The following RPL31 variants were observed in gnomAD, a reference collection of about 807,000 sequenced individuals.
RPL31 encodes large ribosomal subunit protein eL31.
For synonymous variants in RPL31, 51 were observed against 55.0 expected (o/e 0.93, Z 0.32); for missense variants, 95 against 164.0 (o/e 0.58, Z 2.30).
At chr2:101,002,595 T>G in intron 1 of RPL31, 107 bp from the exon 2 acceptor site, 1 of 938,070 alleles carries the variant, frequency 1.1e-6, no homozygotes, top group Non-Finnish European at 1.7e-6. Flanking sequence ...CTGGCCAGAC[T>G]CTCAGCACCT....
At position 101,005,964 on chromosome 2, in the gene RPL31, T is replaced by G; in HGVS notation, c.239T>G (p.Val80Gly). Residue 80 changes from valine to glycine, a missense_variant, in exon 4 of 5, where the codon GTG becomes GGG. Coordinates refer to ENST00000264258, the MANE Select transcript of RPL31 (RefSeq NM_000993.5). ...KAVWAKGIRN[V>G]PYRIRVRLSR... ...CACAATTATGTTTTTATTAGGAATG[T>G]GCCATACCGAATCCGTGTGCGGCTG... 6.2e-7 allele frequency: 1 copy of G among 1,611,910 alleles called. No homozygotes were observed. The highest frequency in any genetic ancestry group is 8.5e-7 in the Non-Finnish European group (1 of 1,179,530).
At chr2:101,014,077 C>A (rs1248166441) in intron 4 of RPL31, among the ~76,000 whole-genome samples, 2 of 152,162 alleles carry the variant, frequency 1.3e-5, no homozygotes, top group African/African-American at 4.8e-5. Context: ...CTACTGGAGG[C>A]AGGGATCATA....
At chr2:101,016,162 G>A (rs1679618444) in intron 4 of RPL31, among the ~76,000 whole-genome samples, 2 of 152,234 alleles carry the variant, frequency 1.3e-5, no homozygotes, top group Admixed American at 6.5e-5. Flanking sequence ...GAAAATTTTC[G>A]CAACCTACTC....
At chr2:101,005,882 A>G in intron 3 of RPL31, 77 bp from the exon 4 acceptor site, 1 of 1,197,208 alleles carries the variant, frequency 8.4e-7, no homozygotes, top group African/African-American at 1.5e-5. Context: ...CAGGCATATG[A>G]GATATGTGAA....
At chr2:101,009,406 CAAAAA>C (rs70943054), downstream of RPL31, among the ~76,000 whole-genome samples, 1 of 97,758 alleles carries the variant, frequency 1.0e-5, no homozygotes, top group African/African-American at 4.6e-5. Context: ...ACTCTGTCTC[CAAAAA>C]AAAAAAAAAA....
At chr2:101,004,346 G>A in intron 3 of RPL31, 63 bp downstream of exon 3, 4 of 1,579,504 alleles carry the variant, frequency 2.5e-6, no homozygotes, top group Non-Finnish European at 3.5e-6. Flanking sequence ...ACTTAACCCT[G>A]CAAGAGCCCA....
chr2:101,005,895 C>A, intron 3 of RPL31, 64 bp from the exon 4 acceptor site: 1 of 1,361,220 alleles, frequency 7.3e-7, no homozygotes, highest in Non-Finnish European at 1.0e-6. Context: ...TATGTGAATA[C>A]AGCTAGTGGC....
chr2:101,002,741 C>T lies in RPL31; in HGVS notation c.40C>T (p.Arg14Cys). The change falls in exon 2 of 5, where the codon CGT becomes TGT. Residue 14 changes from arginine (R) to cysteine (C), a missense_variant. Transcript: ENST00000264258. ...GAAGGGTGGCGAGAAGAAAAAGGGC[C>T]GTTCTGCCATCAACGAAGTGGTAAC... ...AKKGGEKKKGRSAINEVVTRE... is the reference protein window; with the variant it reads ...AKKGGEKKKGCSAINEVVTRE... 6.2e-7 allele frequency: 1 copy of T among 1,614,132 alleles called. No individual in the cohort carries two copies. The highest frequency in any genetic ancestry group is 8.5e-7 in the Non-Finnish European group (1 of 1,179,996).
chr2:101,007,765 GTC>G (rs1678838737), downstream of RPL31: 6 of 1,545,990 alleles, frequency 3.9e-6, no homozygotes, highest in South Asian at 6.0e-5. Flanking sequence ...CCAAGAAACA[GTC>G]TGGTTCGTGC....
At chr2:101,011,126 C>T, downstream of RPL31, 1 of 1,129,816 alleles carries the variant, frequency 8.9e-7, no homozygotes, top group Non-Finnish European at 1.3e-6. Flanking sequence ...GTGAGGAATT[C>T]CACTAAGCAA....
chr2:101,011,008 T>A (rs750907846), downstream of RPL31: 5 of 1,612,750 alleles, frequency 3.1e-6, no homozygotes, highest in Non-Finnish European at 4.2e-6. Flanking sequence ...CAGCTGTTTC[T>A]GATAATCAAC....
downstream of RPL31, chr2:101,011,305 C>T: frequency 2.3e-6 from 2 of 861,546 alleles, no homozygotes; most frequent in Non-Finnish European, 3.6e-6. Flanking sequence ...GCACTTCTGT[C>T]CTCTAAAGGC....
chr2:101,019,527 T>A (rs17663389), exon 5 of RPL31: 15,476 of 153,062 alleles, frequency 0.1, 944 homozygotes, highest in Non-Finnish European at 0.14. Flanking sequence ...AAGGCTTTTT[T>A]AACTGCATCA....
chr2:101,008,213 T>TTTC (rs746340416), downstream of RPL31: 22 of 1,604,642 alleles, frequency 1.4e-5, 1 homozygote, highest in Admixed American at 3.8e-4. Flanking sequence ...TACAAATCAT[T>TTTC]TTCTTCTGGA....
At chr2:101,008,467 G>GAAAT (rs1678918271), downstream of RPL31, among the ~76,000 whole-genome samples, 1 of 152,180 alleles carries the variant, frequency 6.6e-6, no homozygotes, top group Non-Finnish European at 1.5e-5. Flanking sequence ...CACAGACTTG[G>GAAAT]AAATGGGTAG....
intron 4 of RPL31, chr2:101,018,902 G>T: frequency 6.8e-7 from 1 of 1,481,170 alleles, no homozygotes; most frequent in Non-Finnish European, 9.2e-7. Context: ...TTATCAATCT[G>T]CAGTGAAAAC....
chr2:101,012,858 A>C (rs949076501), intron 4 of RPL31, among the ~76,000 whole-genome samples: 1 of 152,348 alleles, frequency 6.6e-6, no homozygotes, highest in Admixed American at 6.5e-5. Context: ...AAAGCTTTGG[A>C]AAGCTACCCT....
intron 4 of RPL31, chr2:101,018,855 T>G (rs61213239): frequency 9.9e-7 from 1 of 1,014,038 alleles, no homozygotes; most frequent in African/African-American, 1.6e-5. Flanking sequence ...GTCCAATTAG[T>G]ATAATTAACT....
At chr2:101,014,197 GTTTT>G (rs113766146) in intron 4 of RPL31, among the ~76,000 whole-genome samples, 9 of 144,374 alleles carry the variant, frequency 6.2e-5, no homozygotes, top group Admixed American at 6.2e-4. Context: ...TTTCGCAAAA[GTTTT>G]TTTTTTTTCA....
Sources: allele counts gnomAD v4.1 joint callset (sites outside exome capture counted in the v4.1 genomes callset), GRCh38; gene constraint gnomAD v4.1.1; transcripts MANE v1.5; gene names NCBI Gene and HGNC (gene_info 2026-07-23, HGNC 2026-07-21).